The following MAP2K5 variants were observed in gnomAD, a reference collection of about 807,000 sequenced individuals.
MAP2K5 encodes dual specificity mitogen-activated protein kinase kinase 5.
In MAP2K5, 49 loss-of-function variants were observed where a neutral mutation model predicts 83.1. The observed-to-expected ratio is 0.59, with a 90% CI of 0.47 to 0.75. The LOEUF (loss-of-function observed/expected upper bound fraction) is 0.75. MAP2K5 is among the 30% of genes least tolerant of loss of function. MAP2K5 has a pLI of 0.00. For missense variants in MAP2K5, 457 were observed against 557.5 expected (o/e 0.82, Z 1.82); for synonymous variants, 202 against 191.8 (o/e 1.05, Z -0.44).
At position 67,786,939 on chromosome 15, in the gene MAP2K5, G is replaced by A. The variant is rs1339401023; in HGVS notation, c.1242+14187G>A. On this transcript the variant is annotated intron_variant, in intron 21 of 21. Coordinates refer to ENST00000178640, the MANE Select transcript of MAP2K5 (RefSeq NM_145160.3). This position sits in a 1 kb window ranked among gnomAD's most constrained non-coding sequence, Gnocchi z 4.7. ...CCAGGGAGAGAAAATGGCACAGGCT[G>A]AGACCGGAGGGAACAAGGACAGTGA... Among the ~76,000 whole-genome samples, 1 of 152,206 alleles carries A rather than the reference G, an allele frequency of 6.6e-6. No homozygotes were observed. Among genetic ancestry groups the A allele is most frequent in the African/African-American group, 2.4e-5 (1 of 41,442 alleles).
At chr15:67,728,981 A>T in intron 17 of MAP2K5, among the ~76,000 whole-genome samples, 1 of 152,240 alleles carries the variant, frequency 6.6e-6, no homozygotes, top group East Asian at 1.9e-4. Context: ...AGTTAAAGCC[A>T]TCAGATAAGT....
intron 1 of MAP2K5, among the ~76,000 whole-genome samples, chr15:67,548,477 T>C (rs2084441436): frequency 1.3e-5 from 2 of 152,270 alleles, no homozygotes; most frequent in African/African-American, 4.8e-5. Context: ...GACACTAATA[T>C]GGCACTTGCC....
intron 21 of MAP2K5, among the ~76,000 whole-genome samples, chr15:67,795,807 G>A (rs545275613): frequency 6.6e-6 from 1 of 152,284 alleles, no homozygotes; most frequent in South Asian, 2.1e-4. Flanking sequence ...TCTAAGAGAG[G>A]TATGCTAAAA....
chr15:67,606,791 G>A (rs1015360509), intron 8 of MAP2K5, among the ~76,000 whole-genome samples: 10 of 152,152 alleles, frequency 6.6e-5, no homozygotes, highest in Admixed American at 6.5e-4. Context: ...TATAAAATGA[G>A]AAAATACATA....
rs193123853 is a variant in MAP2K5 at position 67,705,861 on chromosome 15, G to T, written c.1044+2453G>T. Among the ~76,000 whole-genome samples the T allele has an allele frequency of 2.6e-5, 4 of 152,306 alleles. No individual in the cohort carries two copies. In the East Asian group the frequency reaches 7.7e-4, roughly 29 times the overall value. On this transcript the variant is annotated intron_variant, in intron 16 of 21. Transcript: ENST00000178640. Reference sequence around the variant, plus strand: ...ACAAGCTCAAAGGCACCAAGATAGAGTACACTCTCAGCGTATTTAAGGAAG... The same window carrying T: ...ACAAGCTCAAAGGCACCAAGATAGATTACACTCTCAGCGTATTTAAGGAAG...
At chr15:67,765,175 A>G (rs1337960945) in intron 19 of MAP2K5, among the ~76,000 whole-genome samples, 1 of 152,214 alleles carries the variant, frequency 6.6e-6, no homozygotes, top group Non-Finnish European at 1.5e-5. Context: ...TCTGGCCAAC[A>G]TGGTGAAACC....
intron 8 of MAP2K5, among the ~76,000 whole-genome samples, chr15:67,610,654 C>G (rs2085898540): frequency 6.6e-6 from 1 of 151,848 alleles, no homozygotes; most frequent in Non-Finnish European, 1.5e-5. Context: ...TGTAGGGGAC[C>G]ATGTTTCTGT....
At chr15:67,711,495 A>G (rs2088691039) in intron 16 of MAP2K5, among the ~76,000 whole-genome samples, 1 of 152,206 alleles carries the variant, frequency 6.6e-6, no homozygotes, top group African/African-American at 2.4e-5. Flanking sequence ...CAAAGTTCAC[A>G]AGGGAAAAAA....
chr15:67,759,027 TTC>T (rs2089897100), intron 19 of MAP2K5, among the ~76,000 whole-genome samples: 2 of 152,342 alleles, frequency 1.3e-5, no homozygotes, highest in Non-Finnish European at 2.9e-5. Flanking sequence ...TTGAATTCTA[TTC>T]TGTGTACTCT....
chr15:67,553,844 C>T (rs1003098061), intron 2 of MAP2K5, among the ~76,000 whole-genome samples: 9 of 126,072 alleles, frequency 7.1e-5, no homozygotes, highest in Admixed American at 1.0e-4. Flanking sequence ...ACCCGGGAAG[C>T]GGAGCTTGCA....
intron 8 of MAP2K5, among the ~76,000 whole-genome samples, chr15:67,622,144 CAAAAA>C (rs11289969): frequency 2.1e-4 from 19 of 90,688 alleles, no homozygotes; most frequent in African/African-American, 7.4e-4. Flanking sequence ...GGCTCCATCT[CAAAAA>C]AAAAAAAAAA....
chr15:67,669,437 T>C (rs1363827854), intron 13 of MAP2K5, among the ~76,000 whole-genome samples: 1 of 151,896 alleles, frequency 6.6e-6, no homozygotes, highest in Non-Finnish European at 1.5e-5. Context: ...GAGTTACTAG[T>C]CAAGTAGATA....
Position 67,769,517 on chromosome 15 carries a change from C to A in MAP2K5, c.1135-85C>A. 1 of 1,164,496 alleles carries A rather than the reference C, an allele frequency of 8.6e-7. No individual in the cohort carries two copies. Among genetic ancestry groups the A allele is most frequent in the Non-Finnish European group, 1.3e-6 (1 of 777,246 alleles). The allele number at this position is 1,164,496 out of a possible 1,614,324, so 72.1% of individuals were successfully genotyped here. On this transcript the variant is annotated intron_variant, in intron 19 of 21. Transcript: ENST00000178640. The surrounding 1 kb of genome is among the most constrained non-coding windows in gnomAD (Gnocchi z 5.2). ...TTCTCATTGTATTCATCTTTATACT[C>A]ATCCTTCACATGGGTGGGTGGGGAA...
chr15:67,664,303 A>T (rs945084505), intron 12 of MAP2K5, among the ~76,000 whole-genome samples: 3 of 135,732 alleles, frequency 2.2e-5, no homozygotes, highest in Non-Finnish European at 4.6e-5. Flanking sequence ...AGACCAGCTT[A>T]GGCAACATTA....
rs1263903073 is a variant in MAP2K5 at position 67,672,414 on chromosome 15, T to A, written c.847+7769T>A. ...TGATTTGCATTTCTCTGATGGCCAG[T>A]GATGATGAGCATTTTTTCATGTTTT... On this transcript the variant is annotated intron_variant, in intron 13 of 21. Coordinates refer to ENST00000178640, the MANE Select transcript of MAP2K5 (RefSeq NM_145160.3). 3.3e-5 allele frequency among the ~76,000 whole-genome samples: 5 copies of A among 152,214 alleles called. 1 individual carries two copies. The highest frequency in any genetic ancestry group is 4.8e-5 in the African/African-American group (2 of 41,562).
intron 16 of MAP2K5, among the ~76,000 whole-genome samples, chr15:67,715,231 C>CG (rs1175347713): frequency 1.1e-4 from 14 of 129,076 alleles, no homozygotes; most frequent in African/African-American, 4.1e-4. Flanking sequence ...TTTTTTTGGG[C>CG]GGGGAGGGGG....
At chr15:67,617,894 A>G (rs541272399) in intron 8 of MAP2K5, among the ~76,000 whole-genome samples, 319 of 152,174 alleles carry the variant, frequency 2.1e-3, no homozygotes, top group Admixed American at 3.1e-3. Context: ...GGTATCATCT[A>G]TGTTGCCCAG....
At chr15:67,763,055 T>C (rs992463078) in intron 19 of MAP2K5, among the ~76,000 whole-genome samples, 2 of 152,150 alleles carry the variant, frequency 1.3e-5, no homozygotes, top group African/African-American at 4.8e-5. Context: ...CTTTCTCTGC[T>C]CAAGACTTGA....
rs1016683717 is a variant in MAP2K5, at chr15:67,562,613, G to T, written c.185-670G>T. Among the ~76,000 whole-genome samples, 6 of 152,154 alleles carry T rather than the reference G, an allele frequency of 3.9e-5. No homozygotes were observed. The highest frequency in any genetic ancestry group is 8.8e-5 in the Non-Finnish European group (6 of 68,028). ...GCATTTGAAGCTTTCTATGGCTGGA[G>T]AGTATGCAAAACAAGTGAAACTGTT... On this transcript the variant is annotated intron_variant, in intron 2 of 21. Coordinates refer to ENST00000178640, the MANE Select transcript of MAP2K5 (RefSeq NM_145160.3). This position sits in a 1 kb window ranked among gnomAD's most constrained non-coding sequence, Gnocchi z 4.1.
Sources: allele counts gnomAD v4.1 joint callset (sites outside exome capture counted in the v4.1 genomes callset), GRCh38; gene constraint gnomAD v4.1.1; non-coding constraint Gnocchi (gnomAD v3.1); transcripts MANE v1.5; gene names NCBI Gene and HGNC (gene_info 2026-07-23, HGNC 2026-07-21).